Variants in PRELID2 observed in about 807,000 individuals in gnomAD.
The protein encoded by PRELID2 is PRELI domain-containing protein 2.
Under a neutral mutation model 28.4 loss-of-function variants are expected in PRELID2, and 25 were observed. The ratio of observed to expected loss-of-function variants is 0.88; its 90% CI spans 0.64 to 1.23. The LOEUF is 1.23. PRELID2 is among the 50% of genes most tolerant of loss of function. The probability of loss-of-function intolerance (pLI) is 0.00; values close to 1 mark genes in which losing one functional copy is unlikely to be tolerated. For missense variants in PRELID2, 201 were observed against 214.4 expected (o/e 0.94, Z 0.39); for synonymous variants, 76 against 71.6 (o/e 1.06, Z -0.31).
intron 1 of PRELID2, among the ~76,000 whole-genome samples, chr5:145,481,421 T>C (rs1271734826): frequency 1.3e-5 from 2 of 151,846 alleles, no homozygotes; most frequent in Non-Finnish European, 1.5e-5. Flanking sequence ...ACAAATATTT[T>C]CAATCTATAG....
the PRELID2 span, among the ~76,000 whole-genome samples, chr5:145,232,614 A>T: frequency 5.8e-3 from 880 of 152,262 alleles, 8 homozygotes; most frequent in African/African-American, 0.02. Flanking sequence ...TTGTGTCTCA[A>T]CTAGACTGGC....
chr5:145,291,660 A>G, the PRELID2 span, among the ~76,000 whole-genome samples: 1 of 152,086 alleles, frequency 6.6e-6, no homozygotes, highest in African/African-American at 2.4e-5. Flanking sequence ...TCTTTTCTTT[A>G]AAGGATTATG....
intron 1 of PRELID2, among the ~76,000 whole-genome samples, chr5:145,638,423 T>C: frequency 6.7e-6 from 1 of 149,854 alleles, no homozygotes; most frequent in African/African-American, 2.5e-5. Flanking sequence ...TCAACTCCAT[T>C]CCTTTGTTTA....
intron 1 of PRELID2, among the ~76,000 whole-genome samples, chr5:145,633,971 C>T (rs1042475672): frequency 2.0e-5 from 3 of 152,198 alleles, no homozygotes; most frequent in Non-Finnish European, 4.4e-5. Context: ...AGCACAGATG[C>T]CTCATGTTAG....
intron 4 of PRELID2, among the ~76,000 whole-genome samples, chr5:145,817,191 AAAAAAAAATAAATAAATAAAT>A (rs1375668589): frequency 5.6e-5 from 4 of 71,628 alleles, no homozygotes; most frequent in Non-Finnish European, 6.7e-5. Context: ...ACTGCATTTC[AAAAAAAAATAAATAAATAAAT>A]AAAAAAAAAT....
chr5:145,632,036 G>A (rs990906927), intron 1 of PRELID2, among the ~76,000 whole-genome samples: 1 of 152,124 alleles, frequency 6.6e-6, no homozygotes, highest in African/African-American at 2.4e-5. Flanking sequence ...CTATTAAGGG[G>A]AATGCCAAGG....
chr5:145,824,171 C>T (rs1755014999), intron 1 of PRELID2, among the ~76,000 whole-genome samples: 1 of 152,072 alleles, frequency 6.6e-6, no homozygotes, highest in African/African-American at 2.4e-5. Flanking sequence ...TAGCTGCTGA[C>T]CAAAGCCTAC....
intron 1 of PRELID2, among the ~76,000 whole-genome samples, chr5:145,687,567 T>C (rs549265974): frequency 6.6e-6 from 1 of 152,360 alleles, no homozygotes; most frequent in South Asian, 2.1e-4. Flanking sequence ...TTAAATCAAC[T>C]AACAAAATTG....
At chr5:145,590,605 T>A (rs1753213537) in intron 1 of PRELID2, among the ~76,000 whole-genome samples, 1 of 152,184 alleles carries the variant, frequency 6.6e-6, no homozygotes, top group Admixed American at 6.5e-5. Flanking sequence ...ATATGTCAAT[T>A]TATACTTGTA....
At chr5:145,295,808 C>G in the PRELID2 span, among the ~76,000 whole-genome samples, 20 of 151,998 alleles carry the variant, frequency 1.3e-4, no homozygotes, top group East Asian at 3.7e-3. Flanking sequence ...TAAGAAAATA[C>G]ATTAATAAAC....
chr5:145,812,301 C>T (rs772162439), intron 4 of PRELID2, among the ~76,000 whole-genome samples: 5 of 151,700 alleles, frequency 3.3e-5, no homozygotes, highest in Non-Finnish European at 7.4e-5. Flanking sequence ...AAAGGTAGAG[C>T]CAAAAGAATA....
chr5:145,331,637 A>G, the PRELID2 span, among the ~76,000 whole-genome samples: 3 of 151,126 alleles, frequency 2.0e-5, no homozygotes, highest in Non-Finnish European at 2.9e-5. Context: ...GTCTTCCTCC[A>G]TCCTTTTTTT....
rs1045884691 is a variant in PRELID2, at chr5:145,793,915, C to T, written c.474+2527G>A. ...ATATATCCGCCCCACAACCCCTTCCCCTGAGAAGTGGCCCCTAACCCTGGT... is the reference window on the plus strand; with the variant it reads ...ATATATCCGCCCCACAACCCCTTCCTCTGAGAAGTGGCCCCTAACCCTGGT... On this transcript the variant is annotated intron_variant, in intron 5 of 6. Coordinates refer to ENST00000683046, the MANE Select transcript of PRELID2 (RefSeq NM_205846.3). Among the ~76,000 whole-genome samples, 13 of 152,220 alleles carry T rather than the reference C, an allele frequency of 8.5e-5. No homozygotes were observed. The East Asian group carries it at 2.3e-3, about 27-fold the overall frequency.
chr5:145,716,131 C>G (rs946743672), intron 1 of PRELID2, among the ~76,000 whole-genome samples: 4 of 152,074 alleles, frequency 2.6e-5, no homozygotes, highest in Non-Finnish European at 2.9e-5. Flanking sequence ...ATTCTTCTTC[C>G]AATGTGGCCC....
At chr5:145,564,181 C>T (rs1752946691) in intron 1 of PRELID2, among the ~76,000 whole-genome samples, 1 of 152,180 alleles carries the variant, frequency 6.6e-6, no homozygotes, top group South Asian at 2.1e-4. Context: ...GTGTACCTGC[C>T]TCTGAAAATT....
chr5:145,235,776 T>C, the PRELID2 span, among the ~76,000 whole-genome samples: 15 of 152,190 alleles, frequency 9.9e-5, no homozygotes, highest in South Asian at 2.9e-3. Flanking sequence ...AGGAAACATA[T>C]CCCAGGCAAA....
exon 3 of PRELID2, chr5:145,471,888 C>T (rs536236939): frequency 1.3e-5 from 2 of 152,190 alleles, no homozygotes; most frequent in African/African-American, 4.8e-5. Context: ...GCCAGCTCCA[C>T]AATGGGACAA....
At chr5:145,832,696 A>C (rs1458588719) in intron 1 of PRELID2, among the ~76,000 whole-genome samples, 1 of 152,258 alleles carries the variant, frequency 6.6e-6, no homozygotes, top group Non-Finnish European at 1.5e-5. Context: ...GAAATTAATC[A>C]TAACTACTTC....
intron 5 of PRELID2, chr5:145,796,167 CTGAT>C (rs1752732281): frequency 8.2e-6 from 2 of 243,030 alleles, no homozygotes; most frequent in Non-Finnish European, 7.9e-6. Flanking sequence ...ATTATTCATT[CTGAT>C]TATTTCTTTT....
Sources: allele counts gnomAD v4.1 joint callset (sites outside exome capture counted in the v4.1 genomes callset), GRCh38; gene constraint gnomAD v4.1.1; transcripts MANE v1.5; gene names NCBI Gene and HGNC (gene_info 2026-07-23, HGNC 2026-07-21).